The following PFKP variants were observed in gnomAD, a reference collection of about 807,000 sequenced individuals.
The protein encoded by PFKP is ATP-dependent 6-phosphofructokinase, platelet type.
A neutral mutation model predicts 94.3 loss-of-function variants in PFKP; 101 were observed. The observed-to-expected ratio is 1.07, with a 90% CI of 0.91 to 1.26. The LOEUF (loss-of-function observed/expected upper bound fraction) is 1.26. Ranked by LOEUF, PFKP falls within the 50% of genes most tolerant of loss-of-function variation. The pLI, the probability that PFKP is intolerant of heterozygous loss-of-function variation, is 0.00. For missense variants in PFKP, 1,145 were observed against 1,103.3 expected, an observed-to-expected ratio of 1.04 and a Z score of -0.53; for synonymous variants, 573 against 432.6, an observed-to-expected ratio of 1.32 and a Z score of -4.03.
rs780552919 is a variant in PFKP, at chr10:3,133,216, A to G, written c.1924A>G (p.Ser642Gly). The change falls in exon 19 of 22, where the codon AGT (serine) becomes GGT (glycine). Residue 642 changes from serine to glycine, a missense_variant. Ser to Gly is a moderately conservative substitution (Grantham distance 56). Transcript: ENST00000381125. ...RGLVLRNESC[S>G]ENYTTDFIYQ... Reference sequence around the variant, plus strand: ...CGCTCGTTTCAGAAATGAGAGCTGCAGTGAAAACTACACCACCGACTTCAT... The same window carrying G: ...CGCTCGTTTCAGAAATGAGAGCTGCGGTGAAAACTACACCACCGACTTCAT... 1.2e-6 allele frequency: 2 copies of G among 1,613,278 alleles called. No homozygotes were observed.
intron 16 of PFKP, among the ~76,000 whole-genome samples, chr10:3,128,356 T>C (rs1395941071): frequency 6.6e-6 from 1 of 152,186 alleles, no homozygotes; most frequent in Non-Finnish European, 1.5e-5. Context: ...CGAGAGCCCC[T>C]GACAGAGGGA....
chr10:3,109,185 C>G (rs564316210), intron 9 of PFKP, among the ~76,000 whole-genome samples, 170 bp from the exon 10 acceptor site: 28 of 152,346 alleles, frequency 1.8e-4, no homozygotes, highest in Admixed American at 3.3e-4. Context: ...CTGTTCCCGT[C>G]TTGCCAGTTC....
rs150868411 is a variant in PFKP, at chr10:3,128,799, G to A, written c.1684-1020G>A. 1.2e-4 allele frequency among the ~76,000 whole-genome samples: 18 copies of A among 152,326 alleles called. No homozygotes were observed. The East Asian group carries it at 3.3e-3, about 28-fold the overall frequency. ...GAGCATTCCCAGGTTCCAGGGATTA[G>A]GGATAGGACTGGGATTCCTTTGGGG... On this transcript the variant is annotated intron_variant, in intron 16 of 21. Coordinates refer to ENST00000381125, the MANE Select transcript of PFKP (RefSeq NM_002627.5).
At chr10:3,105,050 TG>T in intron 5 of PFKP, 64 bp from the exon 6 acceptor site, 3 of 1,470,574 alleles carry the variant, frequency 2.0e-6, no homozygotes, top group Non-Finnish European at 2.9e-6. Flanking sequence ...CAGGACTGAG[TG>T]GGTGCTCCCT....
Position 3,080,128 on chromosome 10 carries a change from G to A in PFKP, c.113-2260G>A, listed in dbSNP as rs1345283457. Among the ~76,000 whole-genome samples, 4 of 152,160 alleles carry A rather than the reference G, an allele frequency of 2.6e-5. No individual in the cohort carries two copies. In the East Asian group the frequency reaches 7.7e-4, roughly 29 times the overall value. On this transcript the variant is annotated intron_variant, in intron 1 of 21. Coordinates refer to ENST00000381125, the MANE Select transcript of PFKP (RefSeq NM_002627.5). ...AGCCTCCGAGTGCTGCCAGACAGGT[G>A]GGAGGTCCCTGGGGCATGGCCGGGA...
In PFKP at chr10:3,118,867, G is replaced by C. The variant is rs763834113; in HGVS notation, c.1528G>C (p.Glu510Gln). 6.2e-7 allele frequency: 1 copy of C among 1,611,102 alleles called. No homozygotes were observed. Among genetic ancestry groups the C allele is most frequent in the Non-Finnish European group, 8.5e-7 (1 of 1,177,660 alleles). The change falls in exon 15 of 22, where the codon GAG (glutamate) becomes CAG (glutamine). Residue 510 changes from glutamate (E) to glutamine (Q), a missense_variant and splice_region_variant. Physicochemically the swap from Glu to Gln is conservative, Grantham distance 29. Transcript: ENST00000381125. ...CGCGCTGCTGATCATCGGTGGATTC[G>C]AGGTACGTTACCGTTTCTCTCTTGC... ...INALLIIGGF[E>Q]AYLGLLELSA... is the part of the protein sequence containing the mutation.
At chr10:3,093,857 A>T (rs189075739) in intron 2 of PFKP, among the ~76,000 whole-genome samples, 3 of 152,124 alleles carry the variant, frequency 2.0e-5, no homozygotes, top group Admixed American at 2.0e-4. Context: ...GTTAGCCAGG[A>T]TGGTCTCCAT....
chr10:3,072,688 G>A (rs1048278555), intron 1 of PFKP, among the ~76,000 whole-genome samples: 2 of 151,896 alleles, frequency 1.3e-5, no homozygotes, highest in Non-Finnish European at 2.9e-5. Flanking sequence ...TTTCCCCCTT[G>A]GTTACAGAAA....
chr10:3,130,988 T>C (rs969242853), intron 17 of PFKP, among the ~76,000 whole-genome samples: 1 of 152,248 alleles, frequency 6.6e-6, no homozygotes, highest in South Asian at 2.1e-4. Context: ...TGTGGAGTCA[T>C]TCACTGCATC....
At chr10:3,099,779 G>A (rs910424648) in intron 3 of PFKP, among the ~76,000 whole-genome samples, 1 of 152,136 alleles carries the variant, frequency 6.6e-6, no homozygotes, top group African/African-American at 2.4e-5. Context: ...TTCTGCGGTC[G>A]TGATTGACGG....
At chr10:3,087,756 C>T (rs1833711360) in intron 2 of PFKP, among the ~76,000 whole-genome samples, 1 of 152,112 alleles carries the variant, frequency 6.6e-6, no homozygotes, top group South Asian at 2.1e-4. Context: ...CCACCTGCCC[C>T]AGAAGGTGGG....
rs2306308 is a variant in PFKP, at chr10:3,125,042, G to C, written c.1684-4777G>C. The C allele has an allele frequency of 6.0e-6, 7 of 1,157,240 alleles. No homozygotes were observed. The East Asian group carries it at 3.3e-4, about 55-fold the overall frequency. The allele number at this position is 1,157,240 out of a possible 1,614,324, so 71.7% of individuals were successfully genotyped here. On this transcript the variant is annotated intron_variant, in intron 16 of 21. Coordinates refer to ENST00000381125, the MANE Select transcript of PFKP (RefSeq NM_002627.5). ...TCCTGGACCTCAGCACAGGCCCTGG[G>C]GCTGGCAGGTGAGCACCCGGCACCC...
intron 1 of PFKP, among the ~76,000 whole-genome samples, chr10:3,081,239 G>C (rs994314170): frequency 6.6e-6 from 1 of 152,076 alleles, no homozygotes; most frequent in Non-Finnish European, 1.5e-5. Context: ...CTCCAGCATC[G>C]CTGACCTGGC....
chr10:3,080,516 C>CA (rs869281524), intron 1 of PFKP, among the ~76,000 whole-genome samples: 4,136 of 68,336 alleles, frequency 0.061, 421 homozygotes, highest in African/African-American at 0.21. Flanking sequence ...GACTCCGTCT[C>CA]AAAAAAAAAA....
chr10:3,104,560 C>T (rs982750987), intron 5 of PFKP, among the ~76,000 whole-genome samples: 1 of 152,250 alleles, frequency 6.6e-6, no homozygotes, highest in East Asian at 1.9e-4. Context: ...GTGTCCTGTT[C>T]CCAGTGACGC....
At chr10:3,128,505 T>A (rs200418833) in intron 16 of PFKP, among the ~76,000 whole-genome samples, 1 of 151,850 alleles carries the variant, frequency 6.6e-6, no homozygotes, top group Admixed American at 6.6e-5. Context: ...AAAATAATAC[T>A]CTCTCCCACA....
intron 7 of PFKP, among the ~76,000 whole-genome samples, chr10:3,106,048 T>C (rs1835514940): frequency 1.3e-5 from 2 of 152,208 alleles, no homozygotes; most frequent in African/African-American, 4.8e-5. Flanking sequence ...GTCTGGGCCC[T>C]GTGTCCGCTC....
At chr10:3,070,508 C>T (rs967839704) in intron 1 of PFKP, among the ~76,000 whole-genome samples, 5 of 152,036 alleles carry the variant, frequency 3.3e-5, no homozygotes, top group Admixed American at 6.6e-5. Flanking sequence ...GGTAAAATTC[C>T]GTATATTAAG....
chr10:3,098,598 C>T (rs892305292), intron 2 of PFKP, among the ~76,000 whole-genome samples: 8 of 143,426 alleles, frequency 5.6e-5, no homozygotes, highest in African/African-American at 2.1e-4. Context: ...TCACTTCAAC[C>T]CGGGAGGCAG....
Sources: allele counts gnomAD v4.1 joint callset (sites outside exome capture counted in the v4.1 genomes callset), GRCh38; gene constraint gnomAD v4.1.1; transcripts MANE v1.5; gene names NCBI Gene and HGNC (gene_info 2026-07-23, HGNC 2026-07-21).